The following ANKRD33B variants were observed in gnomAD, a reference collection of about 807,000 sequenced individuals.
The protein encoded by ANKRD33B is ankyrin repeat domain 33B.
Under a neutral mutation model 21.5 loss-of-function variants are expected in ANKRD33B, and 6 were observed. The ratio of observed to expected loss-of-function variants is 0.28; its 90% CI spans 0.15 to 0.55. The LOEUF (loss-of-function observed/expected upper bound fraction) is 0.55, where lower values mean the gene tolerates loss of function less well. ANKRD33B is among the 20% of genes least tolerant of loss of function. ANKRD33B has a pLI of 0.94. For missense variants in ANKRD33B, 698 were observed against 747.2 expected (o/e 0.93, Z 0.77); for synonymous variants, 347 against 342.4 (o/e 1.01, Z -0.15).
chr5:10,587,583 A>G (rs1272562316), intron 1 of ANKRD33B, among the ~76,000 whole-genome samples: 1 of 151,492 alleles, frequency 6.6e-6, no homozygotes, highest in South Asian at 2.1e-4. Flanking sequence ...TGAAAAAAAA[A>G]AGAGAAGTAC....
At chr5:10,641,023 A>C (rs1383238791) in intron 3 of ANKRD33B, among the ~76,000 whole-genome samples, 1 of 152,154 alleles carries the variant, frequency 6.6e-6, no homozygotes, top group Non-Finnish European at 1.5e-5. Context: ...AGTGGGTCTG[A>C]AGTTCCAGCA....
At chr5:10,647,607 CTG>C (rs927227486) in intron 3 of ANKRD33B, among the ~76,000 whole-genome samples, 1 of 152,086 alleles carries the variant, frequency 6.6e-6, no homozygotes, top group Non-Finnish European at 1.5e-5. Context: ...GTCAGGGAGA[CTG>C]TGTAAGGGGA....
At chr5:10,604,581 T>G (rs1445911371) in intron 1 of ANKRD33B, among the ~76,000 whole-genome samples, 1 of 151,286 alleles carries the variant, frequency 6.6e-6, no homozygotes, top group Non-Finnish European at 1.5e-5. Context: ...TATAGTGAAG[T>G]CCAGAGAGGA....
intron 3 of ANKRD33B, among the ~76,000 whole-genome samples, chr5:10,638,621 G>C (rs1391628061): frequency 1.3e-5 from 2 of 152,340 alleles, no homozygotes; most frequent in Non-Finnish European, 2.9e-5. Context: ...GAGGTGATGT[G>C]GAGTTGCATG....
At chr5:10,638,536 G>A (rs1245582850) in intron 3 of ANKRD33B, among the ~76,000 whole-genome samples, 1 of 152,250 alleles carries the variant, frequency 6.6e-6, no homozygotes, top group Non-Finnish European at 1.5e-5. Context: ...GAAGGTGGGC[G>A]TAGGGATGGT....
intron 1 of ANKRD33B, among the ~76,000 whole-genome samples, chr5:10,574,064 G>C (rs923209328): frequency 6.6e-6 from 1 of 152,106 alleles, no homozygotes; most frequent in Non-Finnish European, 1.5e-5. Context: ...TCCTTGCCCC[G>C]GGCTCTTTTA....
At chr5:10,629,318 C>A (rs1736651307) in intron 2 of ANKRD33B, among the ~76,000 whole-genome samples, 1 of 152,156 alleles carries the variant, frequency 6.6e-6, no homozygotes, top group Admixed American at 6.5e-5. Context: ...GAGATGAGGT[C>A]TTGCCATGCT....
intron 3 of ANKRD33B, among the ~76,000 whole-genome samples, chr5:10,644,385 G>A (rs565710709): frequency 6.6e-5 from 10 of 152,288 alleles, no homozygotes; most frequent in Admixed American, 5.2e-4. Flanking sequence ...TCTGAGAAGC[G>A]TATCGAGGAT....
chr5:10,618,045 T>C (rs1736325642), intron 1 of ANKRD33B, among the ~76,000 whole-genome samples: 1 of 152,252 alleles, frequency 6.6e-6, no homozygotes, highest in Admixed American at 6.5e-5. Context: ...GCCCCATAGT[T>C]GGTGTGTTTC....
intron 1 of ANKRD33B, among the ~76,000 whole-genome samples, chr5:10,613,492 G>A (rs187944365): frequency 2.6e-5 from 4 of 151,882 alleles, no homozygotes; most frequent in Non-Finnish European, 4.4e-5. Flanking sequence ...GGGTTTCACC[G>A]TGTTAGCCAG....
chr5:10,592,672 G>A (rs1438869031), intron 1 of ANKRD33B, among the ~76,000 whole-genome samples: 1 of 151,658 alleles, frequency 6.6e-6, no homozygotes, highest in African/African-American at 2.4e-5. Context: ...GAATCCTGCA[G>A]ATGAGCTTGC....
In ANKRD33B at chr5:10,587,762, C is replaced by CA. The variant is rs1409486590; in HGVS notation, c.366+22930dup. On this transcript the variant is annotated intron_variant, in intron 1 of 3. Coordinates refer to ENST00000296657, the MANE Select transcript of ANKRD33B (RefSeq NM_001164440.2). ...ATAAAGTTTTGAGTCCTGGTTTATT[C>CA]ACTTGTAGGGGTATTTCTATATTAG... Among the ~76,000 whole-genome samples the CA allele has an allele frequency of 3.9e-5, 6 of 152,178 alleles. No homozygotes were observed. In the East Asian group the frequency reaches 1.2e-3, roughly 29 times the overall value.
intron 1 of ANKRD33B, among the ~76,000 whole-genome samples, chr5:10,602,671 G>A (rs1329335359): frequency 6.6e-6 from 1 of 152,174 alleles, no homozygotes; most frequent in Non-Finnish European, 1.5e-5. Context: ...ATTCAAAAAG[G>A]GTTTCAAGTC....
intron 2 of ANKRD33B, among the ~76,000 whole-genome samples, chr5:10,626,802 T>A (rs903341222): frequency 6.6e-6 from 1 of 152,196 alleles, no homozygotes; most frequent in Non-Finnish European, 1.5e-5. Context: ...AGAGTATCGT[T>A]GCCATCTCAC....
intron 2 of ANKRD33B, among the ~76,000 whole-genome samples, chr5:10,632,475 G>A (rs1009175224): frequency 1.3e-5 from 2 of 152,104 alleles, no homozygotes; most frequent in Admixed American, 6.5e-5. Flanking sequence ...CGGAACCAGG[G>A]GTGTGGCGGG....
chr5:10,581,600 T>G (rs1412770079), intron 1 of ANKRD33B, among the ~76,000 whole-genome samples: 1 of 152,260 alleles, frequency 6.6e-6, no homozygotes, highest in African/African-American at 2.4e-5. Context: ...ATGAGTCAGC[T>G]GGGCTAGGCC....
At chr5:10,581,923 C>G (rs1449651727) in intron 1 of ANKRD33B, among the ~76,000 whole-genome samples, 1 of 152,196 alleles carries the variant, frequency 6.6e-6, no homozygotes, top group Non-Finnish European at 1.5e-5. Flanking sequence ...TCTGTATCTC[C>G]TCTTGGTTCT....
chr5:10,613,505 G>A (rs112757439), intron 1 of ANKRD33B, among the ~76,000 whole-genome samples: 1 of 151,576 alleles, frequency 6.6e-6, no homozygotes, highest in Non-Finnish European at 1.5e-5. Context: ...TTAGCCAGGA[G>A]AGGATGTTAT....
rs186690962 is a variant in ANKRD33B, at chr5:10,615,622, A to T, written c.367-2711A>T. Among the ~76,000 whole-genome samples the T allele has an allele frequency of 3.9e-5, 6 of 152,318 alleles. No individual in the cohort carries two copies. The East Asian group carries it at 1.2e-3, about 29-fold the overall frequency. On this transcript the variant is annotated intron_variant, in intron 1 of 3. Coordinates refer to ENST00000296657, the MANE Select transcript of ANKRD33B (RefSeq NM_001164440.2). Reference sequence around the variant, plus strand: ...TTAGTTTGAAGAAAAATGTGTGCATATGTGTGTGTCTGGTCTATAACTTTT... The same window carrying T: ...TTAGTTTGAAGAAAAATGTGTGCATTTGTGTGTGTCTGGTCTATAACTTTT...
Sources: allele counts gnomAD v4.1 joint callset (sites outside exome capture counted in the v4.1 genomes callset), GRCh38; gene constraint gnomAD v4.1.1; transcripts MANE v1.5; gene names NCBI Gene and HGNC (gene_info 2026-07-23, HGNC 2026-07-21).